MAP2K1: variants seen among roughly 807,000 people sequenced by gnomAD.
MAP2K1 encodes dual specificity mitogen-activated protein kinase kinase 1.
In MAP2K1, 16 loss-of-function variants were observed where a neutral mutation model predicts 46.3. That is an observed-to-expected ratio of 0.35 (90% CI 0.23 to 0.52). MAP2K1 has a LOEUF of 0.52. Ranked by LOEUF, MAP2K1 falls within the 20% of genes least tolerant of loss-of-function variation. The pLI, the probability that MAP2K1 is intolerant of heterozygous loss-of-function variation, is 0.94. For missense variants in MAP2K1, 263 were observed against 497.1 expected, an observed-to-expected ratio of 0.53 and a Z score of 4.48; for synonymous variants, 183 against 185.6, an observed-to-expected ratio of 0.99 and a Z score of 0.11.
At chr15:66,488,674 AT>A (rs1468359969) in intron 8 of MAP2K1, 2 of 188,784 alleles carry the variant, frequency 1.1e-5, no homozygotes, top group Non-Finnish European at 2.2e-5. Context: ...TTAATGTTTT[AT>A]TAACTTTTCA....
intron 5 of MAP2K1, among the ~76,000 whole-genome samples, chr15:66,456,474 A>G (rs1335601538): frequency 6.6e-6 from 1 of 152,196 alleles, no homozygotes; most frequent in African/African-American, 2.4e-5. Context: ...GGTTGAAATG[A>G]TGGCCTCAGG....
chr15:66,471,895 G>GGT (rs1292070690), intron 5 of MAP2K1, among the ~76,000 whole-genome samples: 6 of 152,044 alleles, frequency 3.9e-5, no homozygotes, highest in Admixed American at 3.3e-4. Context: ...TGGCCAACAT[G>GGT]GTGAAACCCC....
At chr15:66,469,224 C>T (rs375147563) in intron 5 of MAP2K1, among the ~76,000 whole-genome samples, 2 of 152,116 alleles carry the variant, frequency 1.3e-5, no homozygotes, top group Non-Finnish European at 2.9e-5. Context: ...CCATTGCACT[C>T]CAGCCTGGGC....
intron 5 of MAP2K1, among the ~76,000 whole-genome samples, chr15:66,478,517 G>A (rs1180673993): frequency 8.8e-6 from 1 of 113,928 alleles, no homozygotes; most frequent in African/African-American, 3.5e-5. Context: ...TTTTTTTTTT[G>A]AGACAAGAGT....
chr15:66,443,393 C>T, intron 4 of MAP2K1, 36 bp downstream of exon 4: 1 of 1,268,692 alleles, frequency 7.9e-7, no homozygotes, highest in East Asian at 2.3e-5. Flanking sequence ...CTAAGTTCCT[C>T]ATTGATAAGT....
intron 5 of MAP2K1, among the ~76,000 whole-genome samples, chr15:66,460,980 C>T (rs898047951): frequency 1.2e-4 from 19 of 152,122 alleles, no homozygotes; most frequent in African/African-American, 4.6e-4. Flanking sequence ...CTGTGTTCTC[C>T]TCCTCCTCAG....
chr15:66,426,414 C>G (rs1421643821), intron 1 of MAP2K1, among the ~76,000 whole-genome samples: 1 of 147,772 alleles, frequency 6.8e-6, no homozygotes, highest in Non-Finnish European at 1.5e-5. Context: ...CAAGAAAATT[C>G]AACAAAAAAA....
intron 5 of MAP2K1, among the ~76,000 whole-genome samples, chr15:66,464,492 T>C (rs759608320): frequency 7.3e-5 from 11 of 151,420 alleles, no homozygotes; most frequent in Admixed American, 2.0e-4. Context: ...TTAGGAAAGA[T>C]GGGAAAAAGG....
At chr15:66,431,241 G>A (rs190063033) in intron 1 of MAP2K1, among the ~76,000 whole-genome samples, 23 of 152,276 alleles carry the variant, frequency 1.5e-4, no homozygotes, top group South Asian at 4.1e-4. Flanking sequence ...TGATATAGTC[G>A]TTGGGTGAGG....
At chr15:66,434,031 C>T (rs1347069) in intron 1 of MAP2K1, among the ~76,000 whole-genome samples, 31,837 of 152,176 alleles carry the variant, frequency 0.21, 3,896 homozygotes, top group Non-Finnish European at 0.27. Flanking sequence ...TTACCAAGAG[C>T]CAGCTTGTTC....
chr15:66,487,695 G>A (rs528709754), intron 8 of MAP2K1, among the ~76,000 whole-genome samples: 1 of 152,234 alleles, frequency 6.6e-6, no homozygotes, highest in South Asian at 2.1e-4. Flanking sequence ...TTTATACTAA[G>A]CACCATGGGC....
At chr15:66,420,942 T>TAC (rs2093440234) in intron 1 of MAP2K1, among the ~76,000 whole-genome samples, 1 of 104,952 alleles carries the variant, frequency 9.5e-6, no homozygotes, top group Non-Finnish European at 2.0e-5. Context: ...CACACATACA[T>TAC]ATATACATAC....
intron 7 of MAP2K1, among the ~76,000 whole-genome samples, chr15:66,485,566 T>A (rs1202027665): frequency 1.3e-5 from 2 of 151,914 alleles, no homozygotes; most frequent in African/African-American, 4.8e-5. Flanking sequence ...TAGCTGGGAC[T>A]ACAGGTTATA....
chr15:66,405,161 A>G (rs925390061), intron 1 of MAP2K1, among the ~76,000 whole-genome samples: 8 of 152,240 alleles, frequency 5.3e-5, no homozygotes, highest in Admixed American at 5.2e-4. Flanking sequence ...AAGTTATTTC[A>G]TAAGGTTGCA....
At chr15:66,476,586 G>A (rs1297891342) in intron 5 of MAP2K1, among the ~76,000 whole-genome samples, 1 of 152,190 alleles carries the variant, frequency 6.6e-6, no homozygotes, top group African/African-American at 2.4e-5. Context: ...GCCCCAACCA[G>A]GAAGAAGTGG....
At chr15:66,481,924 G>T in intron 6 of MAP2K1, 45 bp downstream of exon 6, 1 of 1,603,118 alleles carries the variant, frequency 6.2e-7, no homozygotes, top group Non-Finnish European at 8.5e-7. Context: ...GTACGGTCAG[G>T]GAGAGGAGCC....
Position 66,491,522 on chromosome 15 carries a change from T to TAA in MAP2K1, c.*916_*917dup. On this transcript the variant is annotated 3_prime_UTR_variant, in exon 11 of 11. Coordinates refer to ENST00000307102, the MANE Select transcript of MAP2K1 (RefSeq NM_002755.4). ...TTATTCTAATAAATATACTATGAAA[T>TAA]AAAAAAAAAAGGATGAAAGCTACTT... is the stretch of plus-strand genomic sequence containing the variant. 1 of 184,088 alleles carries TAA rather than the reference T, an allele frequency of 5.4e-6. No homozygotes were observed. The highest frequency in any genetic ancestry group is 1.1e-5 in the Non-Finnish European group (1 of 88,892). The allele number at this position is 184,088 out of a possible 1,614,324, so 11.4% of individuals were successfully genotyped here.
intron 5 of MAP2K1, among the ~76,000 whole-genome samples, chr15:66,467,291 G>T (rs1349418545): frequency 2.0e-5 from 3 of 152,156 alleles, no homozygotes; most frequent in African/African-American, 7.2e-5. Flanking sequence ...CAGTGAAAAA[G>T]ATCTGACCGA....
chr15:66,395,568 G>T (rs1159123798), intron 1 of MAP2K1, among the ~76,000 whole-genome samples: 1 of 128,626 alleles, frequency 7.8e-6, no homozygotes. Context: ...CCACTTTCTT[G>T]CATGATTTTT....
Sources: allele counts gnomAD v4.1 joint callset (sites outside exome capture counted in the v4.1 genomes callset), GRCh38; gene constraint gnomAD v4.1.1; transcripts MANE v1.5; gene names NCBI Gene and HGNC (gene_info 2026-07-23, HGNC 2026-07-21).